ZNF585B: variants seen among roughly 807,000 people sequenced by gnomAD.
The protein encoded by ZNF585B is zinc finger protein 41-like protein.
A neutral mutation model predicts 14.0 loss-of-function variants in ZNF585B; 7 were observed. The observed-to-expected ratio is 0.50, with a 90% CI of 0.28 to 0.94. The LOEUF is 0.94. Ranked by LOEUF, ZNF585B falls within the 40% of genes least tolerant of loss-of-function variation. The pLI, the probability that ZNF585B is intolerant of heterozygous loss-of-function variation, is 0.09. For synonymous variants in ZNF585B, 290 were observed against 317.3 expected, an observed-to-expected ratio of 0.91 and a Z score of 0.91; for missense variants, 750 against 924.4, an observed-to-expected ratio of 0.81 and a Z score of 2.45.
At chr19:37,204,626 G>C (rs911674144) in intron 2 of ZNF585B, among the ~76,000 whole-genome samples, 4 of 152,222 alleles carry the variant, frequency 2.6e-5, no homozygotes, top group Non-Finnish European at 5.9e-5. Flanking sequence ...CCAGGCTGGA[G>C]TGCAGTGGCA....
In ZNF585B at chr19:37,184,368, GA is replaced by G; in HGVS notation, c.*858del. 3.4e-5 allele frequency: 1 copy of G among 29,122 alleles called. No individual in the cohort carries two copies. Among genetic ancestry groups the G allele is most frequent in the African/African-American group, 2.9e-4 (1 of 3,402 alleles). The allele number at this position is 29,122 out of a possible 1,614,324, so 1.8% of individuals were successfully genotyped here. ...ACTCTGTCTCAAAAAAAGAAAGAAA[GA>G]AAGAAAGAAAGAAAGAAAGAAAGAA... is the stretch of plus-strand genomic sequence containing the variant. On this transcript the variant is annotated 3_prime_UTR_variant, in exon 5 of 5. Coordinates refer to ENST00000532828, the MANE Select transcript of ZNF585B (RefSeq NM_152279.4).
intron 1 of ZNF585B, 115 bp downstream of exon 1, chr19:37,210,326 G>C (rs1278605058): frequency 2.0e-5 from 3 of 152,050 alleles, no homozygotes; most frequent in Non-Finnish European, 4.4e-5. Flanking sequence ...CCCTGTCACA[G>C]ACAACCATCA....
In ZNF585B at chr19:37,182,559, TG is replaced by T. The variant is rs1182040346; in HGVS notation, c.*2667del. ...GTCTAAGATGTTGAGCAGCATGTGA[TG>T]GGCCATCAGATACTGTGAAGAAGTG... On this transcript the variant is annotated 3_prime_UTR_variant, in exon 5 of 5. Transcript: ENST00000532828. The T allele has an allele frequency of 2.0e-5, 3 of 152,286 alleles. No homozygotes were observed. The East Asian group carries it at 5.8e-4, about 29-fold the overall frequency. 9.4% of individuals were successfully genotyped at this position (152,286 alleles called of 1,614,324 possible). A position where few individuals can be genotyped will look rare whatever the true frequency, so the allele number is the denominator to read the frequency against.
At chr19:37,201,812 G>A (rs1568511208) in intron 2 of ZNF585B, among the ~76,000 whole-genome samples, 1 of 152,166 alleles carries the variant, frequency 6.6e-6, no homozygotes, top group Non-Finnish European at 1.5e-5. Context: ...AAATGTAATT[G>A]CATAAGGTAA....
rs190232036 is a variant in ZNF585B at position 37,199,394 on chromosome 19, G to A, written c.72+7646C>T. The A allele has an allele frequency of 1.0e-3, 413 of 409,338 alleles. 1 individual carries two copies. The highest frequency in any genetic ancestry group is 8.0e-3 in the African/African-American group (382 of 47,698). 25.4% of individuals were successfully genotyped at this position (409,338 alleles called of 1,614,324 possible). ...ACAAAATTTCGCCAGTTCTATTGGC[G>A]CGTACCTGTAGTCCCAGCTACTCGG... is the stretch of plus-strand genomic sequence containing the variant. On this transcript the variant is annotated intron_variant, in intron 2 of 4. Coordinates refer to ENST00000532828, the MANE Select transcript of ZNF585B (RefSeq NM_152279.4).
At chr19:37,209,510 A>G (rs1972623245) in intron 1 of ZNF585B, among the ~76,000 whole-genome samples, 1 of 152,214 alleles carries the variant, frequency 6.6e-6, no homozygotes, top group Non-Finnish European at 1.5e-5. Context: ...CAATGTGAGT[A>G]GTTTACCTTC....
Position 37,186,823 on chromosome 19 carries a change from T to C in ZNF585B, c.714A>G (p.Gly238=). 1.2e-6 allele frequency: 2 copies of C among 1,614,144 alleles called. No homozygotes were observed. Among genetic ancestry groups the C allele is most frequent in the Non-Finnish European group, 1.7e-6 (2 of 1,180,010 alleles). Residue 238 remains glycine (G), a synonymous_variant, in exon 5 of 5, where the codon GGA becomes GGG. Coordinates refer to ENST00000532828, the MANE Select transcript of ZNF585B (RefSeq NM_152279.4). ...AGTCAGTGCATTCATGGTGTCTCTC[T>C]CCAGTATGAATTTTCTCATGTATAC... ...DLSIHEKIHT[G]ERHHECTDCG...
chr19:37,187,845 G>A (rs1972356455), intron 4 of ZNF585B, among the ~76,000 whole-genome samples: 1 of 152,064 alleles, frequency 6.6e-6, no homozygotes, highest in Non-Finnish European at 1.5e-5. Context: ...GAACAATTCA[G>A]CAGTTAAAAG....
chr19:37,199,529 A>C (rs1972508428), intron 2 of ZNF585B: 2 of 448,376 alleles, frequency 4.5e-6, no homozygotes, highest in Middle Eastern at 3.3e-4. Flanking sequence ...GTTTCAAAAA[A>C]CAATTAAAAT....
intron 2 of ZNF585B, among the ~76,000 whole-genome samples, chr19:37,203,734 T>C (rs1315138097): frequency 6.6e-6 from 1 of 152,194 alleles, no homozygotes; most frequent in Non-Finnish European, 1.5e-5. Flanking sequence ...GTTCAAGCAA[T>C]TCTCCTGCCT....
At chr19:37,194,389 G>A (rs946949046) in intron 2 of ZNF585B, among the ~76,000 whole-genome samples, 35 of 152,154 alleles carry the variant, frequency 2.3e-4, no homozygotes, top group African/African-American at 8.4e-4. Context: ...CGAGGCACAT[G>A]GACCACCTGA....
rs765353301 is a variant in ZNF585B at position 37,186,569 on chromosome 19, A to G, written c.968T>C (p.Val323Ala). 6.2e-7 allele frequency: 1 copy of G among 1,614,032 alleles called. No homozygotes were observed. The highest frequency in any genetic ancestry group is 2.2e-5 in the East Asian group (1 of 44,872). Residue 323 changes from valine (V) to alanine (A), a missense_variant, in exon 5 of 5, where the codon GTG becomes GCG. Val to Ala is a moderately conservative substitution (Grantham distance 64). Transcript: ENST00000532828. Reference protein sequence around the residue: ...LQVHQRVHTRVKPYICTEYGK... With the variant: ...LQVHQRVHTRAKPYICTEYGK... ...ATATTCGGTACATATATAGGGCTTC[A>G]CTCTTGTGTGAACACGTTGATGTAC... is the stretch of plus-strand genomic sequence containing the variant.
At position 37,185,069 on chromosome 19, in the gene ZNF585B, A is replaced by C; in HGVS notation, c.*158T>G. 1.2e-6 allele frequency: 1 copy of C among 803,034 alleles called. No individual in the cohort carries two copies. Among genetic ancestry groups the C allele is most frequent in the East Asian group, 2.7e-5 (1 of 36,866 alleles). 49.7% of individuals were successfully genotyped at this position (803,034 alleles called of 1,614,324 possible). A position where few individuals can be genotyped will look rare whatever the true frequency, so the allele number is the denominator to read the frequency against. On this transcript the variant is annotated 3_prime_UTR_variant, in exon 5 of 5. Transcript: ENST00000532828. ...CAATGTAGGAAGGGTCCCTCGCCTC[A>C]TTCAGTGCCTTCTCAGAGGCCCTCT...
intron 2 of ZNF585B, among the ~76,000 whole-genome samples, chr19:37,197,160 G>A (rs1317797780): frequency 6.6e-6 from 1 of 151,274 alleles, no homozygotes; most frequent in East Asian, 1.9e-4. Context: ...GCCCCGGTGT[G>A]TGATGCTCCC....
chr19:37,190,376 G>A (rs1972387153), intron 2 of ZNF585B: 1 of 429,234 alleles, frequency 2.3e-6, no homozygotes, highest in Non-Finnish European at 4.0e-6. Flanking sequence ...CTCCTGAGTA[G>A]CTGGGATTAC....
rs1441696016 is a variant in ZNF585B, at chr19:37,184,645, A to T, written c.*582T>A. 1 of 185,138 alleles carries T rather than the reference A, an allele frequency of 5.4e-6. No individual in the cohort carries two copies. Among genetic ancestry groups the T allele is most frequent in the Non-Finnish European group, 1.1e-5 (1 of 90,168 alleles). The allele number at this position is 185,138 out of a possible 1,614,324, so 11.5% of individuals were successfully genotyped here. Reference sequence around the variant, plus strand: ...TTCTATGACAATGGGGACTCAACATACGCTCTGAGGTCTGTGTCTGAATAC... The same window carrying T: ...TTCTATGACAATGGGGACTCAACATTCGCTCTGAGGTCTGTGTCTGAATAC... On this transcript the variant is annotated 3_prime_UTR_variant, in exon 5 of 5. Transcript: ENST00000532828.
chr19:37,193,590 C>T (rs1972428288), intron 2 of ZNF585B, among the ~76,000 whole-genome samples: 2 of 152,076 alleles, frequency 1.3e-5, no homozygotes, highest in African/African-American at 2.4e-5. Flanking sequence ...CCAGCCCAGG[C>T]AACACAGTGA....
rs1188976293 is a variant in ZNF585B, at chr19:37,183,538, G to A, written c.*1689C>T. ...AATTGCTAGGGAGAAGAATAAAGGA[G>A]GAAGGGTAAGGGGCTGGAATTTTAA... On this transcript the variant is annotated 3_prime_UTR_variant, in exon 5 of 5. Transcript: ENST00000532828. The A allele has an allele frequency of 4.6e-5, 7 of 152,178 alleles. No individual in the cohort carries two copies. The highest frequency in any genetic ancestry group is 4.6e-4 in the Admixed American group (7 of 15,262). 9.4% of individuals were successfully genotyped at this position (152,178 alleles called of 1,614,324 possible). A position where few individuals can be genotyped will look rare whatever the true frequency, so the allele number is the denominator to read the frequency against.
Position 37,186,720 on chromosome 19 carries a change from TAC to T in ZNF585B, c.815_816del (p.Cys272TyrfsTer2). ...KIHTGERSYICIECGQAFIQK... is the reference protein window; with the variant it reads ...KIHTGERSYIXIECGQAFIQK... Reference sequence around the variant, plus strand: ...TGGATGAAGGCCTGCCCGCATTCAATACAGATGTAGGATCTCTCGCCTGTATG... The same window carrying T: ...TGGATGAAGGCCTGCCCGCATTCAATAGATGTAGGATCTCTCGCCTGTATG... On this transcript the variant is annotated frameshift_variant, in exon 5 of 5. Transcript: ENST00000532828. LOFTEE classifies it low-confidence loss of function (END_TRUNC). The T allele has an allele frequency of 1.2e-6, 2 of 1,614,220 alleles. No individual in the cohort carries two copies. Among genetic ancestry groups the T allele is most frequent in the East Asian group, 4.5e-5 (2 of 44,886 alleles).
Sources: allele counts gnomAD v4.1 joint callset (sites outside exome capture counted in the v4.1 genomes callset), GRCh38; gene constraint gnomAD v4.1.1; transcripts MANE v1.5; gene names NCBI Gene and HGNC (gene_info 2026-07-23, HGNC 2026-07-21).